PSMD14: variants seen among roughly 807,000 people sequenced by gnomAD.
PSMD14 encodes the protein ubiquitin C-terminal hydrolase PSMD14.
In PSMD14, 7 loss-of-function variants were observed where a neutral mutation model predicts 41.2. The ratio of observed to expected loss-of-function variants is 0.17; its 90% confidence interval spans 0.10 to 0.32. The LOEUF is 0.32. Among genes scored for constraint, PSMD14 ranks in the 10% least tolerant of loss-of-function variants. The probability of loss-of-function intolerance (pLI) is 1.00; values close to 1 mark genes in which losing one functional copy is unlikely to be tolerated. For missense variants in PSMD14, 139 were observed against 375.6 expected, an observed-to-expected ratio of 0.37 and a Z score of 5.21; for synonymous variants, 114 against 122.3, an observed-to-expected ratio of 0.93 and a Z score of 0.45.
chr2:161,318,966 C>A, intron 3 of PSMD14, 93 bp downstream of exon 3: 2 of 945,778 alleles, frequency 2.1e-6, no homozygotes, highest in South Asian at 1.6e-5. Context: ...CCAAGAAAAT[C>A]ACCTAACAGA....
intron 3 of PSMD14, 112 bp downstream of exon 3, chr2:161,318,985 T>A: frequency 2.6e-6 from 2 of 765,162 alleles, no homozygotes; most frequent in Non-Finnish European, 4.2e-6. Context: ...GATAACTCTA[T>A]GGTAAGAATC....
chr2:161,326,297 C>A (rs1267755057), intron 3 of PSMD14, among the ~76,000 whole-genome samples: 2 of 152,150 alleles, frequency 1.3e-5, no homozygotes, highest in African/African-American at 2.4e-5. Flanking sequence ...TCCGAAAGTG[C>A]TGGGATTATA....
At chr2:161,323,662 CAA>C (rs879763993) in intron 3 of PSMD14, among the ~76,000 whole-genome samples, 2 of 129,426 alleles carry the variant, frequency 1.5e-5, no homozygotes, top group Non-Finnish European at 1.7e-5. Context: ...GACTATGTCT[CAA>C]AAAAAAAAAA....
At chr2:161,319,005 T>A in intron 3 of PSMD14, 132 bp downstream of exon 3, 2 of 592,196 alleles carry the variant, frequency 3.4e-6, no homozygotes, top group Non-Finnish European at 5.7e-6. Context: ...CTTACCTTAT[T>A]GATGTTTGTT....
chr2:161,406,569 G>C (rs542778463), intron 10 of PSMD14, among the ~76,000 whole-genome samples: 2 of 152,178 alleles, frequency 1.3e-5, no homozygotes, highest in African/African-American at 2.4e-5. Flanking sequence ...AACTGGTCTT[G>C]CCCAGATGGT....
At chr2:161,399,270 G>C (rs1157673234) in intron 10 of PSMD14, among the ~76,000 whole-genome samples, 1 of 152,034 alleles carries the variant, frequency 6.6e-6, no homozygotes, top group Non-Finnish European at 1.5e-5. Flanking sequence ...ATATTAACGT[G>C]AGCTTTGAAA....
At chr2:161,333,354 T>A (rs1682822308) in intron 3 of PSMD14, among the ~76,000 whole-genome samples, 1 of 152,202 alleles carries the variant, frequency 6.6e-6, no homozygotes, top group Non-Finnish European at 1.5e-5. Flanking sequence ...AAATCCAAAT[T>A]CCTGAAATTT....
At chr2:161,311,396 G>A (rs1574110492) in intron 1 of PSMD14, among the ~76,000 whole-genome samples, 1 of 151,904 alleles carries the variant, frequency 6.6e-6, no homozygotes, top group African/African-American at 2.4e-5. Context: ...ATAACTATTT[G>A]TATTGTATTT....
rs554295984 is a variant in PSMD14 at position 161,353,551 on chromosome 2, C to T, written c.49-13927C>T. Among the ~76,000 whole-genome samples the T allele has an allele frequency of 9.1e-4, 138 of 152,296 alleles. 1 individual carries two copies. The highest frequency in any genetic ancestry group is 2.9e-3 in the African/African-American group (119 of 41,566). ...TGTCATTTTTATCTTCCCAGAATGC[C>T]TTTTCCCTCCCTCCCCCTTTTCTTA... On this transcript the variant is annotated intron_variant, in intron 3 of 11. Transcript: ENST00000409682.
chr2:161,339,782 C>T (rs1682924045), intron 3 of PSMD14, among the ~76,000 whole-genome samples: 2 of 152,280 alleles, frequency 1.3e-5, no homozygotes, highest in Non-Finnish European at 2.9e-5. Flanking sequence ...GGCCTGTTCT[C>T]CCCTAAGCCC....
At chr2:161,392,766 G>A (rs1199196915) in intron 9 of PSMD14, among the ~76,000 whole-genome samples, 3 of 152,056 alleles carry the variant, frequency 2.0e-5, no homozygotes, top group African/African-American at 7.3e-5. Context: ...AGTTGATTAA[G>A]TGTATTTTTA....
At chr2:161,358,718 G>A (rs1705564081) in intron 3 of PSMD14, among the ~76,000 whole-genome samples, 1 of 152,196 alleles carries the variant, frequency 6.6e-6, no homozygotes, top group African/African-American at 2.4e-5. Context: ...GCTGAGGCGG[G>A]TGGATCATGA....
At chr2:161,317,261 G>A (rs1252162230) in intron 2 of PSMD14, among the ~76,000 whole-genome samples, 11 of 152,118 alleles carry the variant, frequency 7.2e-5, no homozygotes, top group Non-Finnish European at 1.5e-5. Context: ...AGTTAAGATC[G>A]TGAAGTGGAA....
At chr2:161,383,260 T>C (rs1314218076) in intron 7 of PSMD14, 1 of 152,134 alleles carries the variant, frequency 6.6e-6, no homozygotes, top group African/African-American at 2.4e-5. Flanking sequence ...AATCTAATTT[T>C]GGTCTGCAGG....
chr2:161,402,758 A>G (rs540655144), intron 10 of PSMD14, among the ~76,000 whole-genome samples: 1 of 152,212 alleles, frequency 6.6e-6, no homozygotes, highest in African/African-American at 2.4e-5. Context: ...ACAATCCAGT[A>G]CAAAATTAGG....
intron 3 of PSMD14, 41 bp from the exon 4 acceptor site, chr2:161,367,435 ACT>A: frequency 6.8e-7 from 1 of 1,467,974 alleles, no homozygotes; most frequent in African/African-American, 1.4e-5. Context: ...AAACTCATAA[ACT>A]CTGTGTTTGT....
intron 3 of PSMD14, among the ~76,000 whole-genome samples, chr2:161,359,127 C>T (rs1354095813): frequency 6.6e-6 from 1 of 151,930 alleles, no homozygotes; most frequent in East Asian, 1.9e-4. Flanking sequence ...CACCACCATG[C>T]CTGGCAAATC....
At chr2:161,350,886 T>G (rs1425838306) in intron 3 of PSMD14, among the ~76,000 whole-genome samples, 2 of 152,142 alleles carry the variant, frequency 1.3e-5, no homozygotes, top group African/African-American at 2.4e-5. Flanking sequence ...TTCCCCCAAG[T>G]GTAATTAGTC....
At chr2:161,321,084 A>T (rs1397881424) in intron 3 of PSMD14, among the ~76,000 whole-genome samples, 3 of 152,234 alleles carry the variant, frequency 2.0e-5, no homozygotes, top group African/African-American at 7.2e-5. Context: ...CTATCTTTTC[A>T]TTAGATAAGG....
Sources: allele counts gnomAD v4.1 joint callset (sites outside exome capture counted in the v4.1 genomes callset), GRCh38; gene constraint gnomAD v4.1.1; transcripts MANE v1.5; gene names NCBI Gene and HGNC (gene_info 2026-07-23, HGNC 2026-07-21).